The following POLK variants were observed in gnomAD, a reference collection of about 807,000 sequenced individuals.
POLK encodes polymerase (DNA directed) kappa.
Under a neutral mutation model 94.0 loss-of-function variants are expected in POLK, and 76 were observed. The ratio of observed to expected loss-of-function variants is 0.81; its 90% confidence interval spans 0.67 to 0.98. The LOEUF (loss-of-function observed/expected upper bound fraction) is 0.98, where lower values mean the gene tolerates loss of function less well. POLK is among the 50% of genes least tolerant of loss of function. POLK has a pLI of 0.00. For synonymous variants in POLK, 349 were observed against 325.4 expected (o/e 1.07, Z -0.78); for missense variants, 954 against 1,010.1 (o/e 0.94, Z 0.75).
chr5:75,597,018 A>G (rs1481740276), exon 13 of POLK: 2 of 1,613,924 alleles, frequency 1.2e-6, no homozygotes, highest in South Asian at 2.2e-5. Context: ...AAACAGGCCA[A>G]GCTCTAGTTT....
chr5:75,604,606 G>A (rs2112926030), downstream of POLK, among the ~76,000 whole-genome samples: 1 of 152,202 alleles, frequency 6.6e-6, no homozygotes, highest in South Asian at 2.1e-4. Flanking sequence ...TGAACTCCTG[G>A]CTTCAAGCAT....
intron 1 of POLK, among the ~76,000 whole-genome samples, chr5:75,524,819 A>G (rs1284575243): frequency 6.6e-6 from 1 of 152,194 alleles, no homozygotes; most frequent in Non-Finnish European, 1.5e-5. Context: ...AACCAGGGGA[A>G]GGGGGCCAGT....
chr5:75,516,727 A>G (rs1768338090), intron 1 of POLK, among the ~76,000 whole-genome samples: 1 of 152,180 alleles, frequency 6.6e-6, no homozygotes, highest in South Asian at 2.1e-4. Flanking sequence ...GTATTTCCCA[A>G]ATACATTTTT....
chr5:75,511,897 G>A (rs931326901), exon 1 of POLK: 94 of 1,413,924 alleles, frequency 6.6e-5, no homozygotes, highest in Non-Finnish European at 8.4e-5. Context: ...AGTTGTAGTC[G>A]CGATCCTGAG....
rs780916664 is a variant in POLK, at chr5:75,596,836, A to G, written c.2143A>G (p.Ser715Gly). ...TATAGATAACTCATCTAAAGCAGAAAGCATAGATGCTTTAAGTAATAAGCA... is the reference window on the plus strand; with the variant it reads ...TATAGATAACTCATCTAAAGCAGAAGGCATAGATGCTTTAAGTAATAAGCA... The change falls in exon 13 of 15, where the codon AGC becomes GGC. Residue 715 changes from serine (S) to glycine (G), a missense_variant. By Grantham distance (56) the Ser-to-Gly change is moderately conservative (BLOSUM62 0). Transcript: ENST00000241436. 9.9e-6 allele frequency: 16 copies of G among 1,612,982 alleles called. No individual in the cohort carries two copies. In the African/African-American group the frequency reaches 2.1e-4, roughly 22 times the overall value.
At chr5:75,575,567 T>A (rs1324468799) in intron 5 of POLK, among the ~76,000 whole-genome samples, 3 of 152,226 alleles carry the variant, frequency 2.0e-5, no homozygotes, top group Non-Finnish European at 2.9e-5. Flanking sequence ...AGCAATATCC[T>A]ATGTAAAGGA....
downstream of POLK, among the ~76,000 whole-genome samples, chr5:75,603,405 T>C (rs1270984644): frequency 1.3e-5 from 2 of 149,312 alleles, no homozygotes; most frequent in Non-Finnish European, 3.0e-5. Context: ...TAAACAGCAT[T>C]CCCATAATAG....
intron 1 of POLK, among the ~76,000 whole-genome samples, chr5:75,523,760 A>G (rs536989761): frequency 1.0e-3 from 153 of 152,270 alleles, no homozygotes; most frequent in Non-Finnish European, 1.6e-3. Context: ...CTAGAAAACA[A>G]TTTAAATATA....
chr5:75,566,687 C>T (rs1003225564), intron 3 of POLK, among the ~76,000 whole-genome samples: 8 of 152,166 alleles, frequency 5.3e-5, no homozygotes, highest in Admixed American at 1.3e-4. Context: ...CCTAGCCTTT[C>T]GTGGCCTGCA....
chr5:75,547,574 A>G (rs1041916154), intron 2 of POLK, among the ~76,000 whole-genome samples: 15 of 152,298 alleles, frequency 9.8e-5, no homozygotes, highest in South Asian at 2.1e-4. Flanking sequence ...ATGGATAAAT[A>G]TATGTCATTT....
rs577398839 is a variant in POLK, at chr5:75,561,993, C to CT, written c.256-7340dup. Among the ~76,000 whole-genome samples, 298 of 152,146 alleles carry CT rather than the reference C, an allele frequency of 2.0e-3. 2 individuals carry two copies. The highest frequency in any genetic ancestry group is 3.7e-3 in the Non-Finnish European group (249 of 68,000). ...TAGGATTGTCTTGGCTATACAAGCT[C>CT]TTTTTTTGGTTCTATATGAAATTTA... is the stretch of plus-strand genomic sequence containing the variant. On this transcript the variant is annotated intron_variant, in intron 3 of 14. Transcript: ENST00000241436.
At chr5:75,597,937 A>G (rs1224709805) in exon 15 of POLK, 1 of 1,472,358 alleles carries the variant, frequency 6.8e-7, no homozygotes, top group Non-Finnish European at 9.2e-7. Flanking sequence ...ATTCTAGGCC[A>G]GGATTGATGA....
intron 4 of POLK, among the ~76,000 whole-genome samples, chr5:75,571,246 A>G (rs1347498697): frequency 6.6e-6 from 1 of 152,176 alleles, no homozygotes; most frequent in African/African-American, 2.4e-5. Flanking sequence ...GTCCTATTAA[A>G]CATATGAAAG....
chr5:75,552,666 T>A, intron 3 of POLK, 75 bp downstream of exon 3: 1 of 1,330,650 alleles, frequency 7.5e-7, no homozygotes, highest in Non-Finnish European at 1.0e-6. Flanking sequence ...TGTCAAGTCA[T>A]AACTGAAAAC....
At position 75,559,438 on chromosome 5, in the gene POLK, T is replaced by C. The variant is rs375074009; in HGVS notation, c.255+6847T>C. 3.3e-5 allele frequency among the ~76,000 whole-genome samples: 5 copies of C among 152,072 alleles called. No homozygotes were observed. In the South Asian group the frequency reaches 8.3e-4, roughly 25 times the overall value. On this transcript the variant is annotated intron_variant, in intron 3 of 14. Coordinates refer to ENST00000241436, the Ensembl canonical transcript of POLK. ...CAAGTAGACAGATGTTTATGTTACA[T>C]TGCATGACAGCTATACAGCAAATCA...
exon 14 of POLK, chr5:75,597,782 A>G: frequency 1.6e-5 from 25 of 1,515,958 alleles, no homozygotes; most frequent in Non-Finnish European, 2.0e-5. Context: ...TGTAACAAGA[A>G]CAAAAAGGTA....
chr5:75,581,569 A>C (rs1197940132), intron 7 of POLK, 121 bp downstream of exon 7: 8 of 839,198 alleles, frequency 9.5e-6, no homozygotes, highest in Non-Finnish European at 9.2e-6. Context: ...TTAGTCTTTC[A>C]TTCAACTTCT....
At chr5:75,514,990 T>C (rs889037477) in intron 1 of POLK, among the ~76,000 whole-genome samples, 1 of 152,220 alleles carries the variant, frequency 6.6e-6, no homozygotes, top group East Asian at 1.9e-4. Flanking sequence ...AGTTTAACAG[T>C]TTTCTTAAAA....
exon 15 of POLK, chr5:75,598,309 T>A (rs1773195348): frequency 6.0e-6 from 1 of 167,438 alleles, no homozygotes; most frequent in Non-Finnish European, 1.3e-5. Context: ...TTATTATTTT[T>A]ATACTGAATA....
Sources: gnomAD v4.1 joint callset for allele counts (sites outside exome capture counted in the v4.1 genomes callset) on GRCh38, gnomAD v4.1.1 for gene constraint, MANE v1.5 for transcripts, NCBI Gene and HGNC (gene_info 2026-07-23, HGNC 2026-07-21) for gene names.